The following FERMT2 variants were observed in gnomAD, a reference collection of about 807,000 sequenced individuals.
FERMT2 encodes the protein fermitin family homolog 2.
A neutral mutation model predicts 82.7 loss-of-function variants in FERMT2; 15 were observed. That is an observed-to-expected ratio of 0.18 (90% CI 0.12 to 0.28). The LOEUF (loss-of-function observed/expected upper bound fraction) is 0.28. Among genes scored for constraint, FERMT2 ranks in the 10% least tolerant of loss-of-function variants. FERMT2 has a pLI of 1.00. For synonymous variants in FERMT2, 274 were observed against 271.5 expected, an observed-to-expected ratio of 1.01 and a Z score of -0.09; for missense variants, 645 against 809.4, an observed-to-expected ratio of 0.80 and a Z score of 2.46.
chr14:52,909,980 G>C, intron 3 of FERMT2, among the ~76,000 whole-genome samples: 1 of 152,154 alleles, frequency 6.6e-6, no homozygotes, highest in East Asian at 1.9e-4. Flanking sequence ...TTGAAGCCAG[G>C]AGGTAGAGGC....
intron 2 of FERMT2, among the ~76,000 whole-genome samples, chr14:52,930,564 C>A (rs950607135): frequency 6.6e-6 from 1 of 152,176 alleles, no homozygotes; most frequent in African/African-American, 2.4e-5. Flanking sequence ...GTGAGGGAGA[C>A]AATGGCTTCC....
At position 52,858,167 on chromosome 14, in the gene FERMT2, T is replaced by C. The variant is rs1884682661; in HGVS notation, c.*210A>G. On this transcript the variant is annotated 3_prime_UTR_variant, in exon 15 of 15. Coordinates refer to ENST00000341590, the MANE Select transcript of FERMT2 (RefSeq NM_006832.3). ...GTTTTCAATTCATGGCCCTAAGGAATGTGTGACAAATTCAAGTTTATTATA... is the reference window on the plus strand; with the variant it reads ...GTTTTCAATTCATGGCCCTAAGGAACGTGTGACAAATTCAAGTTTATTATA... 1 of 511,716 alleles carries C rather than the reference T, an allele frequency of 2.0e-6. No individual in the cohort carries two copies. The highest frequency in any genetic ancestry group is 1.9e-5 in the African/African-American group (1 of 52,612). 31.7% of individuals were successfully genotyped at this position (511,716 alleles called of 1,614,324 possible).
chr14:52,897,105 A>G (rs1016138314), intron 3 of FERMT2, among the ~76,000 whole-genome samples: 6 of 151,976 alleles, frequency 3.9e-5, no homozygotes, highest in African/African-American at 1.4e-4. Flanking sequence ...TAACTGAATC[A>G]TTTAAAATGT....
rs201792690 is a variant in FERMT2, at chr14:52,902,404, C to A, written c.392-8977G>T. On this transcript the variant is annotated intron_variant, in intron 3 of 14. Transcript: ENST00000341590. ...GCAAAACTCTGTCTCAAAACAAAAA[C>A]AAAAAAAAAAGAGAGAGAGAGATTA... 3.7e-3 allele frequency among the ~76,000 whole-genome samples: 537 copies of A among 146,526 alleles called. 4 individuals are homozygous for A. The highest frequency in any genetic ancestry group is 0.011 in the African/African-American group (446 of 39,512).
chr14:52,927,550 G>A (rs1030545276), intron 2 of FERMT2, among the ~76,000 whole-genome samples: 7 of 124,080 alleles, frequency 5.6e-5, no homozygotes, highest in Non-Finnish European at 9.5e-5. Flanking sequence ...GAGCCGAAGC[G>A]TTCAAGGCCA....
chr14:52,885,287 T>C (rs1886528870), intron 4 of FERMT2, among the ~76,000 whole-genome samples: 2 of 106,466 alleles, frequency 1.9e-5, no homozygotes, highest in African/African-American at 7.3e-5. Context: ...CACTCCAGCC[T>C]GGGTAACAGG....
chr14:52,877,583 T>TAA lies in FERMT2; in HGVS notation c.963+998_963+999insTT. Among the ~76,000 whole-genome samples the TAA allele has an allele frequency of 2.9e-5, 4 of 140,098 alleles. 1 individual carries two copies. The highest frequency in any genetic ancestry group is 1.1e-4 in the African/African-American group (4 of 38,070). The allele number at this position is 140,098 out of a possible 152,430, so 91.9% of individuals were successfully genotyped here. A position where few individuals can be genotyped will look rare whatever the true frequency, so the allele number is the denominator to read the frequency against. The stretch of plus-strand genomic sequence containing the variant: ...AAATTAGCTGTTCTTGCTTTTTTTT[T>TAA]TTTTTTTTTTTTTTTGCTAACCTCA... On this transcript the variant is annotated intron_variant, in intron 7 of 14. Coordinates refer to ENST00000341590, the MANE Select transcript of FERMT2 (RefSeq NM_006832.3).
At chr14:52,882,065 G>A (rs1394086248) in intron 4 of FERMT2, among the ~76,000 whole-genome samples, 2 of 152,178 alleles carry the variant, frequency 1.3e-5, no homozygotes, top group Non-Finnish European at 2.9e-5. Context: ...CTGTAGTCAA[G>A]TATATAGTGA....
chr14:52,945,169 C>T (rs1890273367), intron 2 of FERMT2, among the ~76,000 whole-genome samples: 1 of 152,078 alleles, frequency 6.6e-6, no homozygotes, highest in African/African-American at 2.4e-5. Flanking sequence ...CCTCGGCCTC[C>T]CAAAGTGCTA....
chr14:52,937,754 G>A (rs545664924), intron 2 of FERMT2, among the ~76,000 whole-genome samples: 24 of 152,250 alleles, frequency 1.6e-4, no homozygotes, highest in African/African-American at 5.8e-4. Flanking sequence ...CAAAAATAGA[G>A]CATGAATGTA....
chr14:52,915,077 T>C (rs1594987358), intron 3 of FERMT2, among the ~76,000 whole-genome samples: 1 of 152,136 alleles, frequency 6.6e-6, no homozygotes, highest in African/African-American at 2.4e-5. Flanking sequence ...AGTATCCAAT[T>C]AGAAAAAGTA....
chr14:52,897,350 AG>A (rs1887346218), intron 3 of FERMT2, among the ~76,000 whole-genome samples: 1 of 152,150 alleles, frequency 6.6e-6, no homozygotes, highest in African/African-American at 2.4e-5. Flanking sequence ...ACTGGATTAA[AG>A]GTTATAATAA....
At chr14:52,861,366 G>A (rs1884927560) in intron 12 of FERMT2, 1 of 281,978 alleles carries the variant, frequency 3.5e-6, no homozygotes, top group Non-Finnish European at 6.5e-6. Context: ...CCTACATCGT[G>A]TACCCAGTTA....
intron 2 of FERMT2, among the ~76,000 whole-genome samples, chr14:52,920,842 G>A (rs546686230): frequency 1.3e-5 from 2 of 152,206 alleles, no homozygotes; most frequent in Admixed American, 1.3e-4. Context: ...TACTCAGGTG[G>A]CTGAGGTGGG....
chr14:52,940,176 T>C (rs1164268240), intron 2 of FERMT2, among the ~76,000 whole-genome samples: 1 of 152,226 alleles, frequency 6.6e-6, no homozygotes, highest in Non-Finnish European at 1.5e-5. Context: ...TTGATATGTG[T>C]AGAAAGGTCA....
chr14:52,860,783 A>G, intron 12 of FERMT2: 2 of 579,258 alleles, frequency 3.5e-6, no homozygotes, highest in Non-Finnish European at 3.0e-6. Flanking sequence ...TCTAATCCAC[A>G]TATACACGAG....
chr14:52,890,890 C>A (rs1886902346), intron 4 of FERMT2, among the ~76,000 whole-genome samples: 1 of 152,204 alleles, frequency 6.6e-6, no homozygotes, highest in African/African-American at 2.4e-5. Flanking sequence ...AGGCGTAAGC[C>A]ACCCGCGCCT....
chr14:52,944,802 T>C (rs192735768), intron 2 of FERMT2, among the ~76,000 whole-genome samples: 1 of 152,350 alleles, frequency 6.6e-6, no homozygotes, highest in Non-Finnish European at 1.5e-5. Context: ...CCAACATAAA[T>C]GAACTTTTTT....
intron 7 of FERMT2, 145 bp downstream of exon 7, chr14:52,878,437 G>C: frequency 1.7e-6 from 1 of 577,110 alleles, no homozygotes; most frequent in Non-Finnish European, 3.1e-6. Flanking sequence ...TATTTGTTTT[G>C]CTTTCCTAAG....
Sources: allele counts gnomAD v4.1 joint callset (sites outside exome capture counted in the v4.1 genomes callset), GRCh38; gene constraint gnomAD v4.1.1; transcripts MANE v1.5; gene names NCBI Gene and HGNC (gene_info 2026-07-23, HGNC 2026-07-21).